ZNF480: variants seen among roughly 807,000 people sequenced by gnomAD.
The protein encoded by ZNF480 is zinc finger protein 480.
Under a neutral mutation model 14.4 loss-of-function variants are expected in ZNF480, and 15 were observed. The observed-to-expected ratio is 1.04, with a 90% confidence interval of 0.70 to 1.60. The LOEUF (loss-of-function observed/expected upper bound fraction) is 1.60, where lower values mean the gene tolerates loss of function less well. ZNF480 is among the 40% of genes most tolerant of loss of function. The pLI, the probability that ZNF480 is intolerant of heterozygous loss-of-function variation, is 0.00. For synonymous variants in ZNF480, 218 were observed against 215.5 expected (o/e 1.01, Z -0.10); for missense variants, 593 against 629.7 (o/e 0.94, Z 0.62).
In ZNF480 at chr19:52,323,158, C is replaced by G. The variant is rs889080127; in HGVS notation, c.*300C>G. ...ACCCCACAGAAATACGAAAAACCCT[C>G]AAAGATTACTATAAACACCTGTATG... On this transcript the variant is annotated 3_prime_UTR_variant, in exon 5 of 5. Transcript: ENST00000595962. 1 of 264,648 alleles carries G rather than the reference C, an allele frequency of 3.8e-6. No homozygotes were observed. Among genetic ancestry groups the G allele is most frequent in the Non-Finnish European group, 7.1e-6 (1 of 140,580 alleles). The allele number at this position is 264,648 out of a possible 1,614,324, so 16.4% of individuals were successfully genotyped here.
chr19:52,314,290 T>C lies in ZNF480; in HGVS notation c.199+11T>C. 1 of 1,527,778 alleles carries C rather than the reference T, an allele frequency of 6.5e-7. No individual in the cohort carries two copies. The highest frequency in any genetic ancestry group is 1.1e-5 in the South Asian group (1 of 88,544). 94.6% of individuals were successfully genotyped at this position (1,527,778 alleles called of 1,614,324 possible). A position where few individuals can be genotyped will look rare whatever the true frequency, so the allele number is the denominator to read the frequency against. On this transcript the variant is annotated intron_variant, in intron 3 of 4. Transcript: ENST00000595962. ...ACCTGGTCTCCCTGGGTGAGGATCA[T>C]GCCCCTGCAGAAGCCGGGATCTGCC...
At chr19:52,316,039 G>C in intron 4 of ZNF480, 77 bp downstream of exon 4, 1 of 1,400,866 alleles carries the variant, frequency 7.1e-7, no homozygotes, top group Non-Finnish European at 9.4e-7. Flanking sequence ...TCTAGTTTTG[G>C]TTTTTTATGT....
rs1333942003 is a variant in ZNF480, at chr19:52,314,147, T to C, written c.73-6T>C. On this transcript the variant is annotated splice_region_variant and splice_polypyrimidine_tract_variant and intron_variant, in intron 2 of 4. Coordinates refer to ENST00000595962, the MANE Select transcript of ZNF480 (RefSeq NM_144684.4). ...TCCTGTTGGTGAAATGTGGTTTTCA[T>C]TTTAGGGACACTTAACATTCAGGGA... is the stretch of plus-strand genomic sequence containing the variant. 2 of 1,557,700 alleles carry C rather than the reference T, an allele frequency of 1.3e-6. No individual in the cohort carries two copies. The highest frequency in any genetic ancestry group is 1.7e-6 in the Non-Finnish European group (2 of 1,144,628).
intron 4 of ZNF480, among the ~76,000 whole-genome samples, chr19:52,320,050 T>A (rs1263142657): frequency 6.6e-6 from 1 of 151,982 alleles, no homozygotes; most frequent in East Asian, 1.9e-4. Flanking sequence ...ACTCCTGACC[T>A]AGTGATCCTC....
chr19:52,313,969 ACT>A (rs1983417697), intron 2 of ZNF480, 182 bp from the exon 3 acceptor site: 4 of 527,418 alleles, frequency 7.6e-6, no homozygotes, highest in South Asian at 3.8e-5. Context: ...ACAGAGTAAG[ACT>A]CTGTCTCAAA....
chr19:52,310,354 C>T (rs1184338245), intron 2 of ZNF480, among the ~76,000 whole-genome samples: 1 of 152,112 alleles, frequency 6.6e-6, no homozygotes, highest in African/African-American at 2.4e-5. Context: ...CAGCACTGCA[C>T]CAGGCTAATA....
At chr19:52,306,259 C>G (rs1213780785) in intron 2 of ZNF480, among the ~76,000 whole-genome samples, 1 of 152,194 alleles carries the variant, frequency 6.6e-6, no homozygotes, top group African/African-American at 2.4e-5. Flanking sequence ...TAAGAGACTC[C>G]TGTAATCTAG....
Position 52,297,216 on chromosome 19 carries a change from C to T in ZNF480, c.-27C>T, listed in dbSNP as rs560421543. On this transcript the variant is annotated 5_prime_UTR_variant, in exon 1 of 5. Transcript: ENST00000595962. Reference sequence around the variant, plus strand: ...GGATCGCGTGGAGTGAAGGTCACGCCGCGGCGCGTGAGTTTCCCTTTGTGT... The same window carrying T: ...GGATCGCGTGGAGTGAAGGTCACGCTGCGGCGCGTGAGTTTCCCTTTGTGT... The T allele has an allele frequency of 2.7e-5, 12 of 445,576 alleles. No homozygotes were observed. Among genetic ancestry groups the T allele is most frequent in the Middle Eastern group, 3.3e-4 (1 of 3,008 alleles). 27.6% of individuals were successfully genotyped at this position (445,576 alleles called of 1,614,324 possible).
At chr19:52,318,221 C>G (rs1983648559) in intron 4 of ZNF480, among the ~76,000 whole-genome samples, 1 of 152,050 alleles carries the variant, frequency 6.6e-6, no homozygotes, top group Non-Finnish European at 1.5e-5. Context: ...ATTCTCCCAC[C>G]TCAGCCTCCC....
In ZNF480 at chr19:52,322,371, A is replaced by G; in HGVS notation, c.1121A>G (p.Asn374Ser). The G allele has an allele frequency of 6.2e-7, 1 of 1,614,000 alleles. No individual in the cohort carries two copies. ...IHTGEKPYKCNECGKVFIQNS... is the reference protein window; with the variant it reads ...IHTGEKPYKCSECGKVFIQNS... ...ACTGGAGAGAAACCTTACAAATGTA[A>G]TGAATGTGGAAAGGTCTTTATTCAA... The change falls in exon 5 of 5, where the codon AAT becomes AGT. Residue 374 changes from asparagine to serine, a missense_variant. Asn to Ser is a conservative substitution (Grantham distance 46, BLOSUM62 1). Transcript: ENST00000595962.
At chr19:52,304,252 A>C (rs1471228867) in intron 2 of ZNF480, among the ~76,000 whole-genome samples, 1 of 152,244 alleles carries the variant, frequency 6.6e-6, no homozygotes, top group Non-Finnish European at 1.5e-5. Flanking sequence ...GTAAAGAAAC[A>C]GTCTTTTAAA....
Position 52,323,074 on chromosome 19 carries a change from C to T in ZNF480, c.*216C>T. The T allele has an allele frequency of 2.4e-6, 1 of 414,292 alleles. No individual in the cohort carries two copies. Among genetic ancestry groups the T allele is most frequent in the South Asian group, 7.5e-5 (1 of 13,344 alleles). The allele number at this position is 414,292 out of a possible 1,614,324, so 25.7% of individuals were successfully genotyped here. A position where few individuals can be genotyped will look rare whatever the true frequency, so the allele number is the denominator to read the frequency against. ...GAAAAGTCTTCAAAAAAATTTCACA[C>T]CTTGCAAAAGGAGATCTAAAAAACA... On this transcript the variant is annotated 3_prime_UTR_variant, in exon 5 of 5. Coordinates refer to ENST00000595962, the MANE Select transcript of ZNF480 (RefSeq NM_144684.4).
chr19:52,305,089 A>T (rs1385325722), intron 2 of ZNF480, among the ~76,000 whole-genome samples: 1 of 152,012 alleles, frequency 6.6e-6, no homozygotes, highest in Non-Finnish European at 1.5e-5. Context: ...ATGGAGCCAG[A>T]CTCTGTCTCA....
intron 2 of ZNF480, among the ~76,000 whole-genome samples, chr19:52,306,561 C>T (rs1263933325): frequency 6.6e-6 from 1 of 152,198 alleles, no homozygotes; most frequent in African/African-American, 2.4e-5. Context: ...AGGAGTTAGA[C>T]AAGCTCAAGT....
At chr19:52,314,894 C>T (rs1395609280) in intron 3 of ZNF480, among the ~76,000 whole-genome samples, 1 of 152,076 alleles carries the variant, frequency 6.6e-6, no homozygotes, top group Admixed American at 6.6e-5. Flanking sequence ...GTTGAAATGT[C>T]CTTTTTCTTC....
At chr19:52,299,231 A>C (rs1383093502) in intron 1 of ZNF480, among the ~76,000 whole-genome samples, 1 of 152,158 alleles carries the variant, frequency 6.6e-6, no homozygotes, top group African/African-American at 2.4e-5. Flanking sequence ...TGTTTTTCCT[A>C]CTCTTGCAGT....
Position 52,321,878 on chromosome 19 carries a change from A to C in ZNF480, c.628A>C (p.Lys210Gln). The C allele has an allele frequency of 6.2e-7, 1 of 1,614,182 alleles. No homozygotes were observed. The highest frequency in any genetic ancestry group is 8.5e-7 in the Non-Finnish European group (1 of 1,180,026). ...EKPYECNEHS[K>Q]VFRVSSSLTK... is the part of the protein sequence containing the mutation. ...ACCTTATGAATGTAATGAGCATAGC[A>C]AAGTCTTTAGAGTATCTTCCAGCCT... The change falls in exon 5 of 5, where the codon AAA (lysine) becomes CAA (glutamine). Residue 210 changes from lysine to glutamine, a missense_variant. Transcript: ENST00000595962.
chr19:52,299,842 T>C (rs142243910), intron 1 of ZNF480, among the ~76,000 whole-genome samples: 3,814 of 152,242 alleles, frequency 0.025, 75 homozygotes, highest in East Asian at 0.066. Context: ...TATAGGTGTG[T>C]GCCACCACGC....
At chr19:52,300,552 G>C in intron 2 of ZNF480, 68 bp downstream of exon 2, 2 of 1,599,754 alleles carry the variant, frequency 1.3e-6, no homozygotes, top group East Asian at 2.2e-5. Context: ...TTCGAGTTGG[G>C]AGTCTTCTCT....
Sources: gnomAD v4.1 joint callset for allele counts (sites outside exome capture counted in the v4.1 genomes callset) on GRCh38, gnomAD v4.1.1 for gene constraint, MANE v1.5 for transcripts, NCBI Gene and HGNC (gene_info 2026-07-23, HGNC 2026-07-21) for gene names.